Variants in CLYBL observed in about 807,000 individuals in gnomAD.
The protein encoded by CLYBL is citramalyl-CoA lyase, mitochondrial.
Under a neutral mutation model 38.9 loss-of-function variants are expected in CLYBL, and 31 were observed. The ratio of observed to expected loss-of-function variants is 0.80; its 90% CI spans 0.60 to 1.08. The LOEUF is 1.08. Ranked by LOEUF, CLYBL falls within the 50% of genes least tolerant of loss-of-function variation. The probability of loss-of-function intolerance (pLI) is 0.00; values close to 1 mark genes in which losing one functional copy is unlikely to be tolerated. For synonymous variants in CLYBL, 171 were observed against 158.6 expected (o/e 1.08, Z -0.59); for missense variants, 434 against 411.6 (o/e 1.05, Z -0.47).
chr13:99,696,316 A>G (rs1272175365), intron 1 of CLYBL, among the ~76,000 whole-genome samples: 7 of 151,710 alleles, frequency 4.6e-5, no homozygotes, highest in African/African-American at 1.5e-4. Flanking sequence ...TGCAGCCTCA[A>G]CCTTCTAGGC....
At chr13:99,871,202 C>A in intron 7 of CLYBL, 140 bp downstream of exon 7, 2 of 960,980 alleles carry the variant, frequency 2.1e-6, no homozygotes, top group Non-Finnish European at 3.2e-6. Flanking sequence ...ACAACATTCA[C>A]CAGTGAGAAA....
intron 2 of CLYBL, among the ~76,000 whole-genome samples, chr13:99,844,759 C>T (rs2051160820): frequency 1.3e-5 from 2 of 152,190 alleles, no homozygotes; most frequent in South Asian, 4.1e-4. Flanking sequence ...TACACTGTGG[C>T]AGCCACAAAG....
At chr13:99,628,765 TGTG>T (rs1387694934) in intron 1 of CLYBL, among the ~76,000 whole-genome samples, 1 of 152,178 alleles carries the variant, frequency 6.6e-6, no homozygotes, top group African/African-American at 2.4e-5. Flanking sequence ...CTTTAAGTGT[TGTG>T]GGCAAATCCC....
downstream of CLYBL, among the ~76,000 whole-genome samples, chr13:99,899,730 A>G (rs2052620334): frequency 6.6e-6 from 1 of 152,136 alleles, no homozygotes; most frequent in African/African-American, 2.4e-5. Context: ...AAAGAGGAAA[A>G]ACTAATAAAT....
chr13:99,813,085 G>A (rs2050374248), intron 2 of CLYBL, among the ~76,000 whole-genome samples: 1 of 152,036 alleles, frequency 6.6e-6, no homozygotes, highest in Non-Finnish European at 1.5e-5. Context: ...GAAACACCAT[G>A]ATTTTTGCTT....
intron 1 of CLYBL, among the ~76,000 whole-genome samples, chr13:99,613,439 G>T (rs1362816950): frequency 1.3e-5 from 2 of 152,190 alleles, no homozygotes; most frequent in Non-Finnish European, 2.9e-5. Flanking sequence ...GCCTGGATGG[G>T]GTTACCTGTC....
intron 1 of CLYBL, among the ~76,000 whole-genome samples, chr13:99,656,555 G>A (rs1474543448): frequency 2.6e-5 from 4 of 152,096 alleles, no homozygotes; most frequent in African/African-American, 7.2e-5. Context: ...CTGCATTGCC[G>A]CATTTTTACT....
rs541057904 is a variant in CLYBL at position 99,842,175 on chromosome 13, T to C, written c.250-16686T>C. Among the ~76,000 whole-genome samples the C allele has an allele frequency of 3.4e-4, 52 of 152,148 alleles. No homozygotes were observed. The South Asian group carries it at 1.0e-2, about 29-fold the overall frequency. On this transcript the variant is annotated intron_variant, in intron 2 of 8. Transcript: ENST00000339105. ...ATGCAAGTCGACAGTCGTGTAGAAG[T>C]GTGATTGGATGAGGGGGCATGATCT... is the stretch of plus-strand genomic sequence containing the variant.
chr13:99,744,508 A>C (rs917584893), intron 1 of CLYBL, among the ~76,000 whole-genome samples: 1 of 152,162 alleles, frequency 6.6e-6, no homozygotes, highest in Non-Finnish European at 1.5e-5. Flanking sequence ...AGCAGTCTGC[A>C]GGGTTCTTAT....
chr13:99,784,459 T>C (rs1157938602), intron 2 of CLYBL, among the ~76,000 whole-genome samples: 2 of 142,882 alleles, frequency 1.4e-5, no homozygotes, highest in Non-Finnish European at 1.6e-5. Context: ...CTTTTTTTTT[T>C]TTTTTTTTTT....
At chr13:99,734,822 C>T (rs548448894) in intron 1 of CLYBL, among the ~76,000 whole-genome samples, 47 of 152,270 alleles carry the variant, frequency 3.1e-4, no homozygotes, top group South Asian at 2.1e-3. Context: ...AAGCAAAATG[C>T]TGTTCCCCCC....
chr13:99,743,455 C>T lies in CLYBL; in HGVS notation c.63-29369C>T, dbSNP rs141480685. ...TTGAAATGTACATGCAGACAAGAACCGCTCTTGACTGCAATTAGACATATA... is the reference window on the plus strand; with the variant it reads ...TTGAAATGTACATGCAGACAAGAACTGCTCTTGACTGCAATTAGACATATA... On this transcript the variant is annotated intron_variant, in intron 1 of 8. Coordinates refer to ENST00000339105, the MANE Select transcript of CLYBL (RefSeq NM_206808.5). Among the ~76,000 whole-genome samples, 410 of 152,272 alleles carry T rather than the reference C, an allele frequency of 2.7e-3. 1 individual carries two copies. The highest frequency in any genetic ancestry group is 9.3e-3 in the African/African-American group (387 of 41,552).
At chr13:99,794,204 T>C (rs1371459910) in intron 2 of CLYBL, among the ~76,000 whole-genome samples, 1 of 152,108 alleles carries the variant, frequency 6.6e-6, no homozygotes, top group African/African-American at 2.4e-5. Context: ...GCAGATCACC[T>C]GAGGTCAGGA....
chr13:99,878,790 C>T (rs559396486), intron 7 of CLYBL, among the ~76,000 whole-genome samples: 2 of 152,314 alleles, frequency 1.3e-5, no homozygotes, highest in South Asian at 2.1e-4. Flanking sequence ...GCATACTTGG[C>T]TTTATTTTTC....
intron 1 of CLYBL, among the ~76,000 whole-genome samples, chr13:99,666,510 T>A (rs2047483792): frequency 6.6e-6 from 1 of 152,154 alleles, no homozygotes; most frequent in African/African-American, 2.4e-5. Context: ...CTGTAGGTTT[T>A]TTCCCCCCTT....
chr13:99,891,512 T>G, intron 8 of CLYBL, 75 bp downstream of exon 8: 4 of 797,872 alleles, frequency 5.0e-6, no homozygotes, highest in Non-Finnish European at 8.5e-6. Flanking sequence ...GATGCCAGAT[T>G]GGGACCTGAC....
downstream of CLYBL, chr13:99,896,070 T>C (rs996451112): frequency 1.3e-5 from 2 of 150,606 alleles, no homozygotes; most frequent in Non-Finnish European, 3.0e-5. Context: ...CGAGGCCTCG[T>C]CGCCCGCGCC....
chr13:99,761,664 T>G (rs772200125), intron 1 of CLYBL, among the ~76,000 whole-genome samples: 4 of 152,240 alleles, frequency 2.6e-5, no homozygotes, highest in Non-Finnish European at 4.4e-5. Flanking sequence ...ATTCATTTCC[T>G]TTCTTTTGGA....
At chr13:99,739,076 A>T (rs187201369) in intron 1 of CLYBL, among the ~76,000 whole-genome samples, 1 of 152,210 alleles carries the variant, frequency 6.6e-6, no homozygotes, top group Non-Finnish European at 1.5e-5. Context: ...AAAACATAGG[A>T]TCATGTCTGT....
Sources: gnomAD v4.1 joint callset for allele counts (sites outside exome capture counted in the v4.1 genomes callset) on GRCh38, gnomAD v4.1.1 for gene constraint, MANE v1.5 for transcripts, NCBI Gene and HGNC (gene_info 2026-07-23, HGNC 2026-07-21) for gene names.